PUF60: variants seen among roughly 807,000 people sequenced by gnomAD.
The protein encoded by PUF60 is poly(U) binding splicing factor 60.
Under a neutral mutation model 61.8 loss-of-function variants are expected in PUF60, and 10 were observed. The observed-to-expected ratio is 0.16, with a 90% CI of 0.10 to 0.27. The LOEUF (loss-of-function observed/expected upper bound fraction) is 0.27. Among genes scored for constraint, PUF60 ranks in the 10% least tolerant of loss-of-function variants. The probability of loss-of-function intolerance (pLI) is 1.00; values close to 1 mark genes in which losing one functional copy is unlikely to be tolerated. For synonymous variants in PUF60, 353 were observed against 300.9 expected (o/e 1.17, Z -1.79); for missense variants, 371 against 754.0 (o/e 0.49, Z 5.95).
chr8:143,824,767 C>G (rs1817457141), intron 1 of PUF60: 1 of 309,240 alleles, frequency 3.2e-6, no homozygotes, highest in South Asian at 3.8e-5. Flanking sequence ...CCTGAGGCAG[C>G]AGCGGTGCCT....
At chr8:143,821,994 A>G in intron 2 of PUF60, 81 bp from the exon 3 acceptor site, 1 of 1,061,424 alleles carries the variant, frequency 9.4e-7, no homozygotes. Flanking sequence ...CCCCTAGCAC[A>G]GACTGTCCCC....
chr8:143,816,922 G>C lies in PUF60; in HGVS notation c.1368C>G (p.Leu456=). 6.3e-7 allele frequency: 1 copy of C among 1,580,230 alleles called. No homozygotes were observed. Among genetic ancestry groups the C allele is most frequent in the Non-Finnish European group, 8.6e-7 (1 of 1,162,764 alleles). Residue 456 remains leucine, a synonymous_variant, in exon 11 of 12, where the codon CTC becomes CTG. Transcript: ENST00000526683. ...CCCCTCTGCCTACCTCCTGCTTGCG[G>C]AGCAGCTTCTGCATCACCATGTGTC... ...SARHMVMQKL[L]RKQESTVMVL...
At chr8:143,828,366 G>A (rs1450102081) in intron 1 of PUF60, among the ~76,000 whole-genome samples, 1 of 152,252 alleles carries the variant, frequency 6.6e-6, no homozygotes. Flanking sequence ...AAGTAATACA[G>A]GGGTAAACTG....
rs745447585 is a variant in PUF60, at chr8:143,818,061, G to T, written c.618C>A (p.Ser206Arg). ...GGRNIKVGRP[S>R]NIGQAQPIID... ...TGATGGGCTGGGCCTGCCCTATGTT[G>T]CTGGGTCTGCCCACCTGGGGAAGAG... is the stretch of plus-strand genomic sequence containing the variant. Residue 206 changes from serine (S) to arginine (R), a missense_variant, in exon 8 of 12, where the codon AGC becomes AGA. This residue lies in a region of PUF60 where 31 missense variants were observed against 80.6 expected (regional missense o/e 0.38). Transcript: ENST00000526683. This position sits in a 1 kb window ranked among gnomAD's most constrained non-coding sequence, Gnocchi z 7.9. 1.1e-5 allele frequency: 17 copies of T among 1,612,218 alleles called. No individual in the cohort carries two copies. The highest frequency in any genetic ancestry group is 3.3e-5 in the Admixed American group (2 of 59,918).
At position 143,817,556 on chromosome 8, in the gene PUF60, G is replaced by T; in HGVS notation, c.1008+36C>A. 6.2e-7 allele frequency: 1 copy of T among 1,608,400 alleles called. No individual in the cohort carries two copies. Reference sequence around the variant, plus strand: ...TCTCCAAGGAATCAGGGGCCAGCCCGCCCACCCTCAAGCCGACAGCTGTGT... The same window carrying T: ...TCTCCAAGGAATCAGGGGCCAGCCCTCCCACCCTCAAGCCGACAGCTGTGT... On this transcript the variant is annotated intron_variant, in intron 9 of 11. Transcript: ENST00000526683. The surrounding 1 kb of genome is among the most constrained non-coding windows in gnomAD (Gnocchi z 7.4).
At chr8:143,825,582 G>T (rs1259269906) in intron 1 of PUF60, among the ~76,000 whole-genome samples, 2 of 152,132 alleles carry the variant, frequency 1.3e-5, no homozygotes, top group African/African-American at 4.8e-5. Context: ...GAGTGCGGTG[G>T]TGCAACTACG....
At chr8:143,828,961 A>G (rs1049152345) in intron 1 of PUF60, 53 of 988,690 alleles carry the variant, frequency 5.4e-5, no homozygotes, top group Admixed American at 6.1e-5. Context: ...CAAAGGGAGG[A>G]CGACGACCCC....
chr8:143,816,985 G>A lies in PUF60; in HGVS notation c.1305C>T (p.Ser435=), dbSNP rs372944670. 91 of 1,604,912 alleles carry A rather than the reference G, an allele frequency of 5.7e-5. No individual in the cohort carries two copies. Among genetic ancestry groups the A allele is most frequent in the Middle Eastern group, 4.9e-4 (3 of 6,074 alleles). The change falls in exon 11 of 12, where the codon AGC becomes AGT. Residue 435 remains serine (S), a synonymous_variant. Transcript: ENST00000526683. ...CCGAGATGCTCATGTGCTCCTGCTC[G>A]CTCAGCATCTCTGGCCGCTCTGACT... ...FPESERPEML[S]EQEHMSISGS... is the part of the protein sequence containing the mutation.
rs1408761283 is a variant in PUF60 at position 143,820,110 on chromosome 8, A to G, written c.348+556T>C. 1.9e-5 allele frequency: 3 copies of G among 155,936 alleles called. No individual in the cohort carries two copies. The Admixed American group carries it at 1.9e-4, about 10-fold the overall frequency. The allele number at this position is 155,936 out of a possible 1,614,324, so 9.7% of individuals were successfully genotyped here. On this transcript the variant is annotated intron_variant, in intron 5 of 11. Transcript: ENST00000526683. ...GCCCACCACAGCCAAGGCCATAGCC[A>G]TGGCCCCTGCCTCCTCCGCCCTGGC... is the stretch of plus-strand genomic sequence containing the variant.
chr8:143,827,997 G>A (rs546965958), intron 1 of PUF60, among the ~76,000 whole-genome samples: 236 of 152,340 alleles, frequency 1.5e-3, no homozygotes, highest in Admixed American at 3.7e-3. Context: ...GCTGCCTGAA[G>A]ACAGTCACCA....
chr8:143,819,432 C>G (rs1390447812), intron 5 of PUF60, among the ~76,000 whole-genome samples: 1 of 152,122 alleles, frequency 6.6e-6, no homozygotes, highest in Non-Finnish European at 1.5e-5. Flanking sequence ...CACAGGGAGC[C>G]TGTGGGCCAG....
At position 143,818,812 on chromosome 8, in the gene PUF60, G is replaced by A. The variant is rs1816686558; in HGVS notation, c.349-278C>T. 2.7e-5 allele frequency: 14 copies of A among 512,736 alleles called. No individual in the cohort carries two copies. In the South Asian group the frequency reaches 4.1e-4, roughly 15 times the overall value. 31.8% of individuals were successfully genotyped at this position (512,736 alleles called of 1,614,324 possible). ...CAGCAAAGCCGACAGATGGTCAGGA[G>A]GCAGGGCTGTGCGCCCTCCCACCCA... On this transcript the variant is annotated intron_variant, in intron 5 of 11. Transcript: ENST00000526683. The surrounding 1 kb of genome is among the most constrained non-coding windows in gnomAD (Gnocchi z 7.9).
intron 1 of PUF60, 162 bp downstream of exon 1, chr8:143,829,118 G>C: frequency 6.0e-6 from 7 of 1,164,846 alleles, no homozygotes; most frequent in Non-Finnish European, 7.4e-6. Flanking sequence ...GCCGGCGCGC[G>C]CCCGCCCCGC....
chr8:143,822,476 CTG>C (rs1457086290), intron 2 of PUF60: 2 of 456,644 alleles, frequency 4.4e-6, no homozygotes, highest in East Asian at 1.4e-4. Flanking sequence ...CCCGCAGGCA[CTG>C]TGCACACCTC....
chr8:143,821,824 A>G lies in PUF60; in HGVS notation c.201T>C (p.Leu67=). The part of the protein sequence containing the change: ...PPLTPEQQEA[L]QKAKKYAMEQ... ...CTGGGAGGTCCATGCTCACCTTCTG[A>G]AGGGCCTCCTGCTGCTCGGGCGTCA... is the stretch of plus-strand genomic sequence containing the variant. Residue 67 remains leucine (L), a synonymous_variant, in exon 3 of 12, where the codon CTT becomes CTC. Coordinates refer to ENST00000526683, the MANE Select transcript of PUF60 (RefSeq NM_078480.3). The G allele has an allele frequency of 6.2e-7, 1 of 1,609,650 alleles. No individual in the cohort carries two copies. The highest frequency in any genetic ancestry group is 8.5e-7 in the Non-Finnish European group (1 of 1,179,042).
At chr8:143,828,683 GACAATGCGA>G (rs965883949) in intron 1 of PUF60, among the ~76,000 whole-genome samples, 2 of 152,202 alleles carry the variant, frequency 1.3e-5, no homozygotes, top group African/African-American at 2.4e-5. Context: ...CAGAGCTGGG[GACAATGCGA>G]TTTCTCAAAA....
chr8:143,829,074 T>C (rs2130475987), intron 1 of PUF60: 3 of 1,060,638 alleles, frequency 2.8e-6, no homozygotes, highest in Non-Finnish European at 3.4e-6. Context: ...GAAGCTGGGG[T>C]CCGCAGGCCG....
chr8:143,816,438 C>T lies in PUF60; in HGVS notation c.*82G>A. On this transcript the variant is annotated 3_prime_UTR_variant, in exon 12 of 12. Coordinates refer to ENST00000526683, the MANE Select transcript of PUF60 (RefSeq NM_078480.3). ...GTAGGCTGGGCTGGGCAGAGCGCGC[C>T]TGGCCCCGGGGACACCACTGTATCA... 1 of 1,478,004 alleles carries T rather than the reference C, an allele frequency of 6.8e-7. No individual in the cohort carries two copies. The allele number at this position is 1,478,004 out of a possible 1,614,324, so 91.6% of individuals were successfully genotyped here.
chr8:143,829,126 CG>C (rs1188520575), intron 1 of PUF60, 153 bp downstream of exon 1: 11 of 1,182,424 alleles, frequency 9.3e-6, no homozygotes, highest in Non-Finnish European at 1.2e-5. Flanking sequence ...GCGCCCGCCC[CG>C]CCCCCGCCTC....
Sources: gnomAD v4.1 joint callset for allele counts (sites outside exome capture counted in the v4.1 genomes callset) on GRCh38, gnomAD v4.1.1 for gene constraint, gnomAD v4.1.1 regional missense constraint, Gnocchi (gnomAD v3.1) non-coding constraint, MANE v1.5 for transcripts, NCBI Gene and HGNC (gene_info 2026-07-23, HGNC 2026-07-21) for gene names.